XIAP: variants seen among roughly 807,000 people sequenced by gnomAD.
XIAP encodes E3 ubiquitin-protein ligase XIAP.
In XIAP, 3 loss-of-function variants were observed where a neutral mutation model predicts 33.1. The observed-to-expected ratio is 0.09, with a 90% CI of 0.04 to 0.23. The LOEUF is 0.23. XIAP is among the 10% of genes least tolerant of loss of function. The pLI is 1.00. For synonymous variants in XIAP, 98 were observed against 121.3 expected (o/e 0.81, Z 1.26); for missense variants, 264 against 363.0 (o/e 0.73, Z 2.22).
In XIAP at chrX:123,885,862, A is replaced by G. The variant is rs1259044216; in HGVS notation, c.200A>G (p.His67Arg). 1 of 1,212,028 alleles carries G rather than the reference A, an allele frequency of 8.3e-7. No individual in the cohort carries two copies. Among genetic ancestry groups the G allele is most frequent in the Non-Finnish European group, 1.1e-6 (1 of 895,605 alleles). ...GATACCGTGCGGTGCTTTAGTTGTC[A>G]TGCAGCTGTAGATAGATGGCAATAT... ...EGDTVRCFSC[H>R]AAVDRWQYGD... Residue 67 changes from histidine (H) to arginine (R), a missense_variant, in exon 2 of 7, where the codon CAT becomes CGT. Physicochemically the swap from His to Arg is conservative, Grantham distance 29. Transcript: ENST00000371199.
chrX:123,862,909 G>A (rs1468757204), intron 1 of XIAP, among the ~76,000 whole-genome samples: 3 of 108,544 alleles, frequency 2.8e-5, no homozygotes, highest in Non-Finnish European at 3.8e-5. Flanking sequence ...GCAACATGGC[G>A]CAGCCCTCTC....
intron 6 of XIAP, among the ~76,000 whole-genome samples, chrX:123,903,137 CACAA>C (rs2053527514): frequency 1.9e-5 from 2 of 108,098 alleles, no homozygotes; most frequent in African/African-American, 6.7e-5. Flanking sequence ...GATATGGTAT[CACAA>C]ACAATCAGAA....
At position 123,907,728 on chromosome X, in the gene XIAP, T is replaced by C. The variant is rs1261780655; in HGVS notation, c.*547T>C. On this transcript the variant is annotated 3_prime_UTR_variant, in exon 7 of 7. Coordinates refer to ENST00000371199, the MANE Select transcript of XIAP (RefSeq NM_001167.4). ...TATAAACACGTACTTGTGCGAATTA[T>C]TTTTTTAAAGTGATTTGCCATTTTT... 2 of 375,920 alleles carry C rather than the reference T, an allele frequency of 5.3e-6. No homozygotes were observed. The highest frequency in any genetic ancestry group is 2.6e-5 in the African/African-American group (1 of 38,840). The allele number at this position is 375,920 out of a possible 1,213,427, so 31.0% of individuals were successfully genotyped here.
rs1298534723 is a variant in XIAP, at chrX:123,909,425, A to G, written c.*2244A>G. ...TAAATCCTCAGTTCTTCACCTTTGCACTGTCTGCCACTTAGTTTGGTTATA... is the reference window on the plus strand; with the variant it reads ...TAAATCCTCAGTTCTTCACCTTTGCGCTGTCTGCCACTTAGTTTGGTTATA... On this transcript the variant is annotated 3_prime_UTR_variant, in exon 7 of 7. Transcript: ENST00000371199. The G allele has an allele frequency of 3.0e-6, 1 of 329,519 alleles. No individual in the cohort carries two copies. The highest frequency in any genetic ancestry group is 5.9e-6 in the Non-Finnish European group (1 of 170,015). 27.2% of individuals were successfully genotyped at this position (329,519 alleles called of 1,213,427 possible).
chrX:123,862,586 C>T lies in XIAP; in HGVS notation c.-33+2293C>T, dbSNP rs956927336. On this transcript the variant is annotated intron_variant, in intron 1 of 6. Transcript: ENST00000371199. ...ACCACAAGAAAAATTTGACACCTGA[C>T]GCTGTGGCTCATGTCTGTAATCCCA... Among the ~76,000 whole-genome samples, 4 of 106,180 alleles carry T rather than the reference C, an allele frequency of 3.8e-5. No homozygotes were observed. In the Admixed American group the frequency reaches 4.2e-4, roughly 11 times the overall value. 92.2% of individuals were successfully genotyped at this position (106,180 alleles called of 115,157 possible). A position where few individuals can be genotyped will look rare whatever the true frequency, so the allele number is the denominator to read the frequency against.
At chrX:123,870,833 A>G (rs2053186941) in intron 1 of XIAP, among the ~76,000 whole-genome samples, 1 of 111,743 alleles carries the variant, frequency 8.9e-6, no homozygotes, top group Non-Finnish European at 1.9e-5. Flanking sequence ...AGATCCTAAC[A>G]TGATCATGGA....
intron 6 of XIAP, among the ~76,000 whole-genome samples, chrX:123,904,125 C>T (rs752046261): frequency 2.7e-5 from 3 of 110,327 alleles, no homozygotes; most frequent in East Asian, 2.9e-4. Flanking sequence ...TTGTGGAGAA[C>T]GGGGTCTCAC....
chrX:123,886,879 A>G (rs1422243501), intron 2 of XIAP, among the ~76,000 whole-genome samples: 2 of 111,662 alleles, frequency 1.8e-5, no homozygotes, highest in Non-Finnish European at 3.8e-5. Context: ...TAAGTGCTCA[A>G]TACATATACT....
At chrX:123,876,047 C>G (rs1288252288) in intron 1 of XIAP, among the ~76,000 whole-genome samples, 1 of 111,312 alleles carries the variant, frequency 9.0e-6, no homozygotes, top group Admixed American at 9.6e-5. Flanking sequence ...AGTGTCTTGA[C>G]CTGTTGTATA....
In XIAP at chrX:123,911,569, T is replaced by C. The variant is rs1404508336; in HGVS notation, c.*4388T>C. ...GGCACATGCCCATAGTCGCAGCTAC[T>C]CTGGAGGCAGAGGCAGGAGGATCAC... On this transcript the variant is annotated 3_prime_UTR_variant, in exon 7 of 7. Transcript: ENST00000371199. 1 of 316,754 alleles carries C rather than the reference T, an allele frequency of 3.2e-6. No individual in the cohort carries two copies. The highest frequency in any genetic ancestry group is 6.0e-6 in the Non-Finnish European group (1 of 165,831). 26.1% of individuals were successfully genotyped at this position (316,754 alleles called of 1,213,427 possible).
rs1052064816 is a variant in XIAP, at chrX:123,897,569, T to A, written c.1100-2924T>A. On this transcript the variant is annotated intron_variant, in intron 5 of 6. Coordinates refer to ENST00000371199, the MANE Select transcript of XIAP (RefSeq NM_001167.4). ...AGGGAAAGTGTCTGGAAAGACTTTT[T>A]TTTTTTTTCCGGAGACGGAGCCTCG... is the stretch of plus-strand genomic sequence containing the variant. Among the ~76,000 whole-genome samples the A allele has an allele frequency of 3.6e-5, 4 of 111,025 alleles. No individual in the cohort carries two copies. In the Admixed American group the frequency reaches 3.9e-4, roughly 11 times the overall value.
At position 123,886,532 on chromosome X, in the gene XIAP, T is replaced by C. The variant is rs770461720; in HGVS notation, c.870T>C (p.Tyr290=). 1.3e-5 allele frequency: 16 copies of C among 1,200,891 alleles called. No individual in the cohort carries two copies. The highest frequency in any genetic ancestry group is 3.5e-5 in the African/African-American group (2 of 57,186). Residue 290 remains tyrosine (Y), a synonymous_variant, in exon 2 of 7, where the codon TAT becomes TAC. Transcript: ENST00000371199. ...NKEQLARAGF[Y]ALGEGDKVKC... is the part of the protein sequence containing the mutation. ...AGCAGCTTGCAAGAGCTGGATTTTA[T>C]GCTTTAGGTAAACTTTATTATAAAA... is the stretch of plus-strand genomic sequence containing the variant.
Position 123,908,380 on chromosome X carries a change from A to T in XIAP, c.*1199A>T, listed in dbSNP as rs768796805. On this transcript the variant is annotated 3_prime_UTR_variant, in exon 7 of 7. Transcript: ENST00000371199. ...AATTAATTAGTAAGGATTCATCCTT[A>T]ATCCTTGCTAGTTTAAGCCTGCCTA... is the stretch of plus-strand genomic sequence containing the variant. The T allele has an allele frequency of 3.5e-5, 13 of 373,637 alleles. No individual in the cohort carries two copies. The highest frequency in any genetic ancestry group is 3.4e-4 in the South Asian group (13 of 38,426). 30.8% of individuals were successfully genotyped at this position (373,637 alleles called of 1,213,427 possible).
At chrX:123,874,217 T>C (rs757307704) in intron 1 of XIAP, among the ~76,000 whole-genome samples, 21 of 111,638 alleles carry the variant, frequency 1.9e-4, no homozygotes, top group Non-Finnish European at 3.0e-4. Flanking sequence ...TGTACAAGGG[T>C]GCCTGACTAA....
chrX:123,898,034 G>A (rs2053476444), intron 5 of XIAP, among the ~76,000 whole-genome samples: 1 of 112,144 alleles, frequency 8.9e-6, no homozygotes, highest in South Asian at 3.7e-4. Flanking sequence ...CACCTAGAAT[G>A]CATCTCTAAA....
intron 1 of XIAP, among the ~76,000 whole-genome samples, chrX:123,868,932 G>C (rs902803384): frequency 7.2e-5 from 8 of 110,897 alleles, no homozygotes; most frequent in Non-Finnish European, 1.5e-4. Context: ...ATTTGATTTT[G>C]GTATGATTTG....
At chrX:123,901,829 T>C (rs761441371) in intron 6 of XIAP, among the ~76,000 whole-genome samples, 21 of 111,639 alleles carry the variant, frequency 1.9e-4, no homozygotes, top group South Asian at 3.8e-4. Flanking sequence ...TTTCTTTCTT[T>C]TTTTAATTTT....
At chrX:123,878,277 G>A (rs1018748950) in intron 1 of XIAP, among the ~76,000 whole-genome samples, 1 of 85,980 alleles carries the variant, frequency 1.2e-5, no homozygotes, top group Non-Finnish European at 2.3e-5. Flanking sequence ...TCCATTTAAA[G>A]TATATAGTTC....
intron 1 of XIAP, among the ~76,000 whole-genome samples, chrX:123,875,689 AT>A (rs34235775): frequency 0.37 from 36,329 of 99,200 alleles, 5,437 homozygotes; most frequent in African/African-American, 0.46. Context: ...TTTCTTATAG[AT>A]TTTTTTTTTT....
Sources: gnomAD v4.1 joint callset for allele counts (sites outside exome capture counted in the v4.1 genomes callset) on GRCh38, gnomAD v4.1.1 for gene constraint, MANE v1.5 for transcripts, NCBI Gene and HGNC (gene_info 2026-07-23, HGNC 2026-07-21) for gene names.